ATG2B: variants seen among roughly 807,000 people sequenced by gnomAD.
ATG2B encodes the protein autophagy related 2B.
In ATG2B, 121 loss-of-function variants were observed where a neutral mutation model predicts 241.3. That is an observed-to-expected ratio of 0.50 (90% CI 0.43 to 0.58). The LOEUF is 0.58. Ranked by LOEUF, ATG2B falls within the 20% of genes least tolerant of loss-of-function variation. ATG2B has a pLI of 0.00. For synonymous variants in ATG2B, 858 were observed against 876.6 expected (o/e 0.98, Z 0.37); for missense variants, 2,306 against 2,491.6 (o/e 0.93, Z 1.59).
chr14:96,351,973 A>G (rs1204498732), intron 1 of ATG2B, among the ~76,000 whole-genome samples: 1 of 152,126 alleles, frequency 6.6e-6, no homozygotes, highest in South Asian at 2.1e-4. Context: ...TTGATCAACT[A>G]TACACTTAAC....
intron 6 of ATG2B, 98 bp downstream of exon 6, chr14:96,341,424 G>C: frequency 1.1e-6 from 1 of 929,152 alleles, no homozygotes; most frequent in Non-Finnish European, 1.6e-6. Flanking sequence ...CTAGTTACAG[G>C]ATAATCTGCA....
intron 6 of ATG2B, among the ~76,000 whole-genome samples, chr14:96,337,886 T>C (rs1480722200): frequency 6.6e-6 from 1 of 152,192 alleles, no homozygotes; most frequent in African/African-American, 2.4e-5. Context: ...TTTCACAAAA[T>C]GCATTATTTC....
At chr14:96,308,276 A>G (rs1246456754) in intron 29 of ATG2B, among the ~76,000 whole-genome samples, 1 of 27,100 alleles carries the variant, frequency 3.7e-5, no homozygotes, top group Non-Finnish European at 6.5e-5. Context: ...ATATATATAT[A>G]TATATATTTT....
intron 18 of ATG2B, among the ~76,000 whole-genome samples, chr14:96,320,570 A>C (rs1199538827): frequency 6.6e-6 from 1 of 152,226 alleles, no homozygotes; most frequent in Non-Finnish European, 1.5e-5. Context: ...AATTCCAATC[A>C]GTGGCTCATA....
intron 10 of ATG2B, 95 bp downstream of exon 10, chr14:96,332,209 GA>G: frequency 1.1e-6 from 1 of 951,132 alleles, no homozygotes. Context: ...AAATGGCCAA[GA>G]CCAGAAAAAA....
At chr14:96,337,550 T>A (rs533761256) in intron 6 of ATG2B, among the ~76,000 whole-genome samples, 1 of 152,046 alleles carries the variant, frequency 6.6e-6, no homozygotes, top group African/African-American at 2.4e-5. Flanking sequence ...AACTAAAAAA[T>A]ATGTTTTTGT....
chr14:96,308,857 G>A (rs2139856150), intron 29 of ATG2B, among the ~76,000 whole-genome samples: 1 of 152,280 alleles, frequency 6.6e-6, no homozygotes, highest in South Asian at 2.1e-4. Flanking sequence ...CAAGGATCTT[G>A]AATCACCTGG....
chr14:96,358,131 C>T (rs1888527559), intron 1 of ATG2B, among the ~76,000 whole-genome samples: 1 of 152,092 alleles, frequency 6.6e-6, no homozygotes, highest in African/African-American at 2.4e-5. Context: ...TTTATTACAG[C>T]AGTGAAGAGT....
Position 96,304,546 on chromosome 14 carries a change from A to G in ATG2B, c.4791T>C (p.Cys1597=), listed in dbSNP as rs1365189951. The G allele has an allele frequency of 1.9e-5, 30 of 1,612,282 alleles. No homozygotes were observed. The highest frequency in any genetic ancestry group is 2.5e-5 in the Non-Finnish European group (29 of 1,179,410). The change falls in exon 32 of 42, where the codon TGT becomes TGC. Residue 1597 remains cysteine (C), a synonymous_variant. Transcript: ENST00000359933. The part of the protein sequence containing the change: ...TPTRHGRNTV[C]GGKGRNHDFL... ...AGTCATGGTTCCTTCCTTTTCCCCC[A>G]CATACTGTATTACGTCCATGTCTCG...
At position 96,303,252 on chromosome 14, in the gene ATG2B, T is replaced by C. The variant is rs778017330; in HGVS notation, c.4846A>G (p.Lys1616Glu). 1.6e-5 allele frequency: 25 copies of C among 1,565,066 alleles called. No homozygotes were observed. The highest frequency in any genetic ancestry group is 2.4e-5 in the South Asian group (2 of 84,046). Residue 1616 changes from lysine to glutamate, a missense_variant, in exon 33 of 42, where the codon AAG becomes GAG. Physicochemically the swap from Lys to Glu is moderately conservative, Grantham distance 56 (BLOSUM62 1). Coordinates refer to ENST00000359933, the MANE Select transcript of ATG2B (RefSeq NM_018036.7). ...GGCGGGTAGACTTCATGCTGAAACT[T>C]CACCTTAACGGGTAAGGAGGAAGAA... ...FLMEIQLSKV[K>E]FQHEVYPPCK...
chr14:96,333,562 T>C (rs1887794885), intron 8 of ATG2B, 126 bp downstream of exon 8: 1 of 847,188 alleles, frequency 1.2e-6, no homozygotes, highest in Non-Finnish European at 1.8e-6. Context: ...AAGTTGTGGA[T>C]TTCTTACAAT....
At chr14:96,353,637 A>G (rs1235045257) in intron 1 of ATG2B, among the ~76,000 whole-genome samples, 2 of 126,080 alleles carry the variant, frequency 1.6e-5, no homozygotes, top group Admixed American at 1.7e-4. Context: ...AAAAAATTTC[A>G]TATTTTATAT....
rs1185355480 is a variant in ATG2B at position 96,305,637 on chromosome 14, C to T, written c.4685G>A (p.Gly1562Glu). 2 of 1,613,992 alleles carry T rather than the reference C, an allele frequency of 1.2e-6. No individual in the cohort carries two copies. The highest frequency in any genetic ancestry group is 1.7e-6 in the Non-Finnish European group (2 of 1,179,980). The change falls in exon 31 of 42, where the codon GGA becomes GAA. Residue 1562 changes from glycine to glutamate, a missense_variant. Physicochemically the swap from Gly to Glu is moderately conservative, Grantham distance 98. This residue lies in a region of ATG2B where 1,927 missense variants were observed against 2,011.2 expected (regional missense o/e 0.96). Coordinates refer to ENST00000359933, the MANE Select transcript of ATG2B (RefSeq NM_018036.7). ...EVSLVWHLYGGKDFGIVPPTS... is the reference protein window; with the variant it reads ...EVSLVWHLYGEKDFGIVPPTS... Reference sequence around the variant, plus strand: ...GGGAGGGACTATTCCAAAATCCTTTCCTCCATAAAGATGCCAGACAAGAGA... The same window carrying T: ...GGGAGGGACTATTCCAAAATCCTTTTCTCCATAAAGATGCCAGACAAGAGA...
At chr14:96,286,069 A>G (rs950247307) in intron 41 of ATG2B, 84 bp from the exon 42 acceptor site, 26 of 1,014,132 alleles carry the variant, frequency 2.6e-5, no homozygotes, top group Non-Finnish European at 3.7e-5. Context: ...TGCAGTACAC[A>G]CTTTTAAAGC....
intron 41 of ATG2B, among the ~76,000 whole-genome samples, chr14:96,286,912 T>C (rs1886349447): frequency 6.6e-6 from 1 of 152,132 alleles, no homozygotes; most frequent in African/African-American, 2.4e-5. Flanking sequence ...AAGAGCGTCC[T>C]ATCTACCCAG....
In ATG2B at chr14:96,295,727, C is replaced by CTACACACACACACACACA. The variant is rs148889627; in HGVS notation, c.5140-168_5140-167insTGTGTGTGTGTGTGTGTA. 2.1e-5 allele frequency among the ~76,000 whole-genome samples: 3 copies of CTACACACACACACACACA among 145,866 alleles called. No homozygotes were observed. The East Asian group carries it at 6.0e-4, about 29-fold the overall frequency. The stretch of plus-strand genomic sequence containing the variant: ...GTCATTATTCCTATTCTTCCCCCCA[C>CTACACACACACACACACA]CACACACACACACACACACACACAC... On this transcript the variant is annotated intron_variant, in intron 34 of 41. Transcript: ENST00000359933.
At chr14:96,340,105 T>TG (rs1566731494) in intron 6 of ATG2B, among the ~76,000 whole-genome samples, 1 of 22,178 alleles carries the variant, frequency 4.5e-5, no homozygotes, top group Admixed American at 3.5e-4. Context: ...CTATATAGAA[T>TG]ATATGATATA....
chr14:96,347,275 T>G lies in ATG2B; in HGVS notation c.229A>C (p.Ile77Leu). 6.2e-7 allele frequency: 1 copy of G among 1,611,690 alleles called. No individual in the cohort carries two copies. ...GAGCCCCATGGAACTGACAGGGAAA[T>G]TGACTGAATGAATCCTTCAGTGACT... The part of the protein sequence containing the change: ...LEVTEGFIQS[I>L]SLSVPWGSLL... The change falls in exon 2 of 42, where the codon ATT (isoleucine) becomes CTT (leucine). Residue 77 changes from isoleucine to leucine, a missense_variant. Transcript: ENST00000359933.
At chr14:96,357,482 C>T (rs939406191) in intron 1 of ATG2B, among the ~76,000 whole-genome samples, 1 of 152,074 alleles carries the variant, frequency 6.6e-6, no homozygotes, top group Non-Finnish European at 1.5e-5. Flanking sequence ...CTAAAGCCCC[C>T]ACATTCTAAA....
Sources: allele counts gnomAD v4.1 joint callset (sites outside exome capture counted in the v4.1 genomes callset), GRCh38; gene constraint gnomAD v4.1.1; regional missense constraint gnomAD v4.1.1; transcripts MANE v1.5; gene names NCBI Gene and HGNC (gene_info 2026-07-23, HGNC 2026-07-21).